The following ANKRD44 variants were observed in gnomAD, a reference collection of about 807,000 sequenced individuals.
ANKRD44 encodes serine/threonine-protein phosphatase 6 regulatory ankyrin repeat subunit B.
A neutral mutation model predicts 116.0 loss-of-function variants in ANKRD44; 35 were observed. That is an observed-to-expected ratio of 0.30 (90% CI 0.23 to 0.40). The LOEUF (loss-of-function observed/expected upper bound fraction) is 0.40. ANKRD44 is among the 10% of genes least tolerant of loss of function. The pLI is 1.00. For synonymous variants in ANKRD44, 435 were observed against 461.8 expected (o/e 0.94, Z 0.74); for missense variants, 1,014 against 1,242.6 (o/e 0.82, Z 2.77).
At chr2:197,233,340 A>C (rs1180085841) in intron 1 of ANKRD44, among the ~76,000 whole-genome samples, 1 of 152,224 alleles carries the variant, frequency 6.6e-6, no homozygotes, top group African/African-American at 2.4e-5. Context: ...AGAAATGATC[A>C]ATGTGCCTCT....
intron 2 of ANKRD44, among the ~76,000 whole-genome samples, chr2:197,167,313 T>C (rs1008745380): frequency 6.6e-6 from 1 of 152,182 alleles, no homozygotes; most frequent in Non-Finnish European, 1.5e-5. Flanking sequence ...TAATATGCAA[T>C]AAGATACACA....
At chr2:197,078,957 A>T in intron 15 of ANKRD44, 143 bp from the exon 16 acceptor site, 1 of 611,322 alleles carries the variant, frequency 1.6e-6, no homozygotes, top group Non-Finnish European at 2.6e-6. Flanking sequence ...ATGAAGTTTT[A>T]TGTGTTGAAA....
At chr2:197,293,252 T>G (rs2083621228) in intron 1 of ANKRD44, among the ~76,000 whole-genome samples, 1 of 152,194 alleles carries the variant, frequency 6.6e-6, no homozygotes, top group South Asian at 2.1e-4. Context: ...ATCATTCACT[T>G]ATTCAATAGT....
rs35292273 is a variant in ANKRD44 at position 197,147,073 on chromosome 2, G to A, written c.144C>T (p.Ala48=). The change falls in exon 3 of 28, where the codon GCC becomes GCT. Residue 48 remains alanine, a synonymous_variant. Transcript: ENST00000282272. ...DSEKRTPLHV[A]AFLGDAEIIE... is the part of the protein sequence containing the mutation. ...TGATCTCTGCATCTCCCAGAAATGCGGCCACATGAAGAGGGGTTCGTTTCT... is the reference window on the plus strand; with the variant it reads ...TGATCTCTGCATCTCCCAGAAATGCAGCCACATGAAGAGGGGTTCGTTTCT... 531 of 1,613,596 alleles carry A rather than the reference G, an allele frequency of 3.3e-4. 1 individual carries two copies. In the Middle Eastern group the frequency reaches 4.6e-3, roughly 14 times the overall value.
chr2:196,990,616 G>A, intron 27 of ANKRD44: 2 of 1,231,540 alleles, frequency 1.6e-6, no homozygotes, highest in South Asian at 8.3e-5. Context: ...CATAAACCTG[G>A]AATTCAAGCT....
chr2:197,304,761 G>A (rs2084019051), intron 1 of ANKRD44, among the ~76,000 whole-genome samples: 1 of 152,092 alleles, frequency 6.6e-6, no homozygotes, highest in African/African-American at 2.4e-5. Flanking sequence ...ACACTTTCTC[G>A]GATCCTTGAC....
At chr2:197,217,522 G>A (rs556330928) in intron 1 of ANKRD44, among the ~76,000 whole-genome samples, 3 of 152,202 alleles carry the variant, frequency 2.0e-5, no homozygotes, top group Non-Finnish European at 4.4e-5. Flanking sequence ...TGCAGAGGCA[G>A]CAAAAATAGC....
intron 4 of ANKRD44, chr2:197,136,219 A>G: frequency 4.3e-6 from 1 of 232,562 alleles, no homozygotes; most frequent in Non-Finnish European, 8.6e-6. Flanking sequence ...CTCAACCTTT[A>G]AGGACCAGAT....
chr2:197,015,723 T>C, intron 17 of ANKRD44: 1 of 538,564 alleles, frequency 1.9e-6, no homozygotes, highest in South Asian at 2.0e-5. Flanking sequence ...ATGATGGTGG[T>C]CCTGGTTCTA....
rs534391842 is a variant in ANKRD44, at chr2:197,102,449, AC to A, written c.986-2520del. Among the ~76,000 whole-genome samples, 286 of 152,294 alleles carry A rather than the reference AC, an allele frequency of 1.9e-3. 1 individual carries two copies. The highest frequency in any genetic ancestry group is 6.8e-3 in the African/African-American group (282 of 41,558). On this transcript the variant is annotated intron_variant, in intron 9 of 27. Transcript: ENST00000282272. ...CTCTAACCAGCACAGTATGAGAGGCACTTTTCCTTATAGCCTTGTCAAGCTT... is the reference window on the plus strand; with the variant it reads ...CTCTAACCAGCACAGTATGAGAGGCATTTTCCTTATAGCCTTGTCAAGCTT...
intron 16 of ANKRD44, among the ~76,000 whole-genome samples, chr2:197,032,205 A>C (rs1321262233): frequency 1.3e-5 from 2 of 152,134 alleles, no homozygotes; most frequent in Non-Finnish European, 2.9e-5. Flanking sequence ...GAGTTTTATA[A>C]AATCCACTCT....
chr2:196,983,749 T>G (rs1341109477), downstream of ANKRD44, among the ~76,000 whole-genome samples: 1 of 152,198 alleles, frequency 6.6e-6, no homozygotes, highest in Non-Finnish European at 1.5e-5. Flanking sequence ...TCCTAGAAAT[T>G]GTGTCCACCA....
intron 1 of ANKRD44, among the ~76,000 whole-genome samples, chr2:197,275,480 G>T (rs1345103160): frequency 1.3e-5 from 2 of 151,820 alleles, no homozygotes; most frequent in Admixed American, 1.3e-4. Context: ...ATTTTAGAAG[G>T]GGGGATCCAT....
intron 1 of ANKRD44, among the ~76,000 whole-genome samples, chr2:197,284,664 T>C (rs1287274060): frequency 1.3e-5 from 2 of 152,034 alleles, no homozygotes; most frequent in African/African-American, 4.8e-5. Flanking sequence ...GGTGGGTGGA[T>C]CACTTGAGGC....
intron 16 of ANKRD44, among the ~76,000 whole-genome samples, chr2:197,043,889 C>T (rs1014137252): frequency 9.9e-5 from 15 of 151,910 alleles, no homozygotes; most frequent in African/African-American, 3.6e-4. Flanking sequence ...AAGTGAACTG[C>T]TTAAGGTTAG....
intron 21 of ANKRD44, among the ~76,000 whole-genome samples, chr2:196,967,798 G>T (rs1054474807): frequency 6.6e-6 from 1 of 152,078 alleles, no homozygotes; most frequent in Non-Finnish European, 1.5e-5. Flanking sequence ...CTATCTTCTC[G>T]ATATAGTTTG....
chr2:197,055,651 C>A (rs1336056828), intron 16 of ANKRD44, among the ~76,000 whole-genome samples: 1 of 152,192 alleles, frequency 6.6e-6, no homozygotes, highest in East Asian at 1.9e-4. Context: ...CCTCCATATA[C>A]ATATTTATTA....
intron 2 of ANKRD44, among the ~76,000 whole-genome samples, chr2:197,165,525 G>A (rs1374486035): frequency 6.6e-6 from 1 of 152,226 alleles, no homozygotes; most frequent in Non-Finnish European, 1.5e-5. Flanking sequence ...TCAAGTACCT[G>A]TAAGCAGCTA....
At chr2:197,095,169 A>G (rs545213216) in intron 10 of ANKRD44, among the ~76,000 whole-genome samples, 3 of 152,198 alleles carry the variant, frequency 2.0e-5, no homozygotes, top group Admixed American at 6.5e-5. Context: ...TTCTATGATA[A>G]TCTAAAACAA....
Sources: allele counts gnomAD v4.1 joint callset (sites outside exome capture counted in the v4.1 genomes callset), GRCh38; gene constraint gnomAD v4.1.1; transcripts MANE v1.5; gene names NCBI Gene and HGNC (gene_info 2026-07-23, HGNC 2026-07-21).